The following PCDHGB5 variants were observed in gnomAD, a reference collection of about 807,000 sequenced individuals.
The protein encoded by PCDHGB5 is protocadherin gamma subfamily B, 5.
In PCDHGB5, 48 loss-of-function variants were observed where a neutral mutation model predicts 62.9. The observed-to-expected ratio is 0.76, with a 90% CI of 0.61 to 0.97. The LOEUF (loss-of-function observed/expected upper bound fraction) is 0.97. Ranked by LOEUF, PCDHGB5 falls within the 50% of genes least tolerant of loss-of-function variation. The pLI, the probability that PCDHGB5 is intolerant of heterozygous loss-of-function variation, is 0.00. For missense variants in PCDHGB5, 1,118 were observed against 1,198.6 expected (o/e 0.93, Z 0.99); for synonymous variants, 474 against 511.2 (o/e 0.93, Z 0.98).
chr5:141,447,299 C>A (rs543731556), intron 1 of PCDHGB5, among the ~76,000 whole-genome samples: 38 of 152,102 alleles, frequency 2.5e-4, no homozygotes, highest in Middle Eastern at 6.8e-3. Context: ...GCCACCACAC[C>A]CGGCTAATTT....
At chr5:141,421,211 T>A (rs866635411) in intron 1 of PCDHGB5, 8 of 1,541,100 alleles carry the variant, frequency 5.2e-6, no homozygotes. Flanking sequence ...CCGCGGAATA[T>A]CGGCTTAGAG....
At chr5:141,452,256 C>T (rs533770410) in intron 1 of PCDHGB5, among the ~76,000 whole-genome samples, 1 of 152,298 alleles carries the variant, frequency 6.6e-6, no homozygotes, top group African/African-American at 2.4e-5. Flanking sequence ...CCATAACTCT[C>T]TCATTTTCTT....
chr5:141,506,180 G>T (rs548366782), intron 3 of PCDHGB5, among the ~76,000 whole-genome samples: 44 of 152,294 alleles, frequency 2.9e-4, no homozygotes, highest in Non-Finnish European at 5.7e-4. Context: ...GCTGGGCGTG[G>T]TGGCTCACGC....
At chr5:141,450,006 C>CTATTTTTTTTTTTT (rs70988802) in intron 1 of PCDHGB5, among the ~76,000 whole-genome samples, 1 of 132,966 alleles carries the variant, frequency 7.5e-6, no homozygotes, top group Non-Finnish European at 1.6e-5. Flanking sequence ...TGCCATGTCT[C>CTATTTTTTTTTTTT]TTTTTTTTTT....
In PCDHGB5 at chr5:141,491,463, C is replaced by CT. The variant is rs765984397; in HGVS notation, c.2398-3343dup. The CT allele has an allele frequency of 6.2e-7, 1 of 1,614,112 alleles. No homozygotes were observed. Among genetic ancestry groups the CT allele is most frequent in the Non-Finnish European group, 8.5e-7 (1 of 1,180,010 alleles). ...GCCAGGACTCACCCTCCCCGGACTT[C>CT]TATAAGCAGTCCAGCCCCAACCTGC... On this transcript the variant is annotated intron_variant, in intron 1 of 3. Coordinates refer to ENST00000617380, the MANE Select transcript of PCDHGB5 (RefSeq NM_018925.3). This position sits in a 1 kb window ranked among gnomAD's most constrained non-coding sequence, Gnocchi z 6.9.
intron 1 of PCDHGB5, among the ~76,000 whole-genome samples, chr5:141,437,064 G>T (rs1380953110): frequency 6.6e-6 from 1 of 152,170 alleles, no homozygotes; most frequent in Non-Finnish European, 1.5e-5. Flanking sequence ...ATCATTATTT[G>T]GTTTGGGCCA....
At chr5:141,450,364 T>G (rs2098678485) in intron 1 of PCDHGB5, among the ~76,000 whole-genome samples, 1 of 152,188 alleles carries the variant, frequency 6.6e-6, no homozygotes, top group Admixed American at 6.5e-5. Flanking sequence ...TCCTCAGCCT[T>G]GTTTGTTTAT....
chr5:141,398,584 A>T lies in PCDHGB5; in HGVS notation c.457A>T (p.Ile153Leu), dbSNP rs201021035. The change falls in exon 1 of 4, where the codon ATA becomes TTA. Residue 153 changes from isoleucine to leucine, a missense_variant. By Grantham distance (5) the Ile-to-Leu change is conservative. Around this residue, in one of 2 missense-constraint regions of PCDHGB5, gnomAD observed 1,034 missense variants for 1,029.1 expected, o/e 1.00. Transcript: ENST00000617380. Reference sequence around the variant, plus strand: ...GTCTGCACAGCCTGGCACAAGATTTATACTAGAAGTAGCAGAAGATGCAGA... The same window carrying T: ...GTCTGCACAGCCTGGCACAAGATTTTTACTAGAAGTAGCAGAAGATGCAGA... ...SESAQPGTRF[I>L]LEVAEDADIG... is the part of the protein sequence containing the mutation. 1.9e-6 allele frequency: 3 copies of T among 1,614,066 alleles called. No homozygotes were observed. In the South Asian group the frequency reaches 3.3e-5, roughly 18 times the overall value.
In PCDHGB5 at chr5:141,445,037, GT is replaced by G. The variant is rs2098454887; in HGVS notation, c.2397+44517del. 5.3e-5 allele frequency among the ~76,000 whole-genome samples: 8 copies of G among 152,072 alleles called. No homozygotes were observed. In the South Asian group the frequency reaches 1.7e-3, roughly 32 times the overall value. On this transcript the variant is annotated intron_variant, in intron 1 of 3. Transcript: ENST00000617380. ...TAATTTCTCTCAGCTATGTTGTATAGTTTTCAGTGTAGAGAGGTCATGTATA... is the reference window on the plus strand; with the variant it reads ...TAATTTCTCTCAGCTATGTTGTATAGTTTCAGTGTAGAGAGGTCATGTATA...
intron 1 of PCDHGB5, chr5:141,410,860 T>TTTTTTTTTTTTTTTTTTG: frequency 2.3e-6 from 1 of 442,030 alleles, no homozygotes; most frequent in Non-Finnish European, 3.7e-6. Flanking sequence ...TTTTTTTTTT[T>TTTTTTTTTTTTTTTTTTG]TTTTTTTTTT....
chr5:141,497,702 G>A (rs904199928), intron 2 of PCDHGB5, among the ~76,000 whole-genome samples: 16 of 152,054 alleles, frequency 1.1e-4, no homozygotes, highest in African/African-American at 3.9e-4. Context: ...ACCACACCCA[G>A]CTCATTTTTG....
At position 141,491,566 on chromosome 5, in the gene PCDHGB5, A is replaced by G; in HGVS notation, c.2398-3241A>G. Reference sequence around the variant, plus strand: ...AGACTCGCAGAGCCACTGCTACAGGACGTGCTTTTCACCGGCCTCGGACGG... The same window carrying G: ...AGACTCGCAGAGCCACTGCTACAGGGCGTGCTTTTCACCGGCCTCGGACGG... On this transcript the variant is annotated intron_variant, in intron 1 of 3. Transcript: ENST00000617380. This position sits in a 1 kb window ranked among gnomAD's most constrained non-coding sequence, Gnocchi z 6.9. 1 of 1,613,950 alleles carries G rather than the reference A, an allele frequency of 6.2e-7. No individual in the cohort carries two copies.
In PCDHGB5 at chr5:141,476,288, C is replaced by A. The variant is rs1446743849; in HGVS notation, c.2398-18519C>A. 3.1e-6 allele frequency: 5 copies of A among 1,613,980 alleles called. No homozygotes were observed. The highest frequency in any genetic ancestry group is 3.4e-6 in the Non-Finnish European group (4 of 1,180,026). ...CGTGGTCGCGAACCTTGGTTTGGAT[C>A]TCGGTAGCCTCTCAGCCCGCAGGTT... On this transcript the variant is annotated intron_variant, in intron 1 of 3. Coordinates refer to ENST00000617380, the MANE Select transcript of PCDHGB5 (RefSeq NM_018925.3). This position sits in a 1 kb window ranked among gnomAD's most constrained non-coding sequence, Gnocchi z 7.6.
chr5:141,436,902 G>A (rs2097852984), intron 1 of PCDHGB5, among the ~76,000 whole-genome samples: 1 of 152,210 alleles, frequency 6.6e-6, no homozygotes, highest in Admixed American at 6.5e-5. Flanking sequence ...TTTTATATGA[G>A]ACAATTTTGT....
intron 1 of PCDHGB5, chr5:141,415,889 T>C: frequency 2.1e-6 from 2 of 942,152 alleles, no homozygotes; most frequent in Non-Finnish European, 2.9e-6. Context: ...TATTGACAAT[T>C]CCTAAGACAG....
chr5:141,485,566 C>G lies in PCDHGB5; in HGVS notation c.2398-9241C>G, dbSNP rs768144422. On this transcript the variant is annotated intron_variant, in intron 1 of 3. Transcript: ENST00000617380. This position sits in a 1 kb window ranked among gnomAD's most constrained non-coding sequence, Gnocchi z 5.7. ...TCGTAGATGTGAATGATCACGCCCC[C>G]CGTTTTCCGCGGCAGCAGCTGGACT... 2.5e-6 allele frequency: 4 copies of G among 1,612,808 alleles called. No homozygotes were observed. Among genetic ancestry groups the G allele is most frequent in the South Asian group, 2.2e-5 (2 of 91,028 alleles).
chr5:141,511,048 C>G lies in PCDHGB5; in HGVS notation c.2647C>G (p.Arg883Gly). The G allele has an allele frequency of 6.2e-7, 1 of 1,614,224 alleles. No homozygotes were observed. Among genetic ancestry groups the G allele is most frequent in the Non-Finnish European group, 8.5e-7 (1 of 1,180,028 alleles). ...QFTLQHVPDYRQNVYIPGSNA... is the reference protein window; with the variant it reads ...QFTLQHVPDYGQNVYIPGSNA... ...CACCCTGCAGCACGTGCCCGACTAC[C>G]GCCAGAATGTCTACATCCCAGGCAG... Residue 883 changes from arginine (R) to glycine (G), a missense_variant, in exon 4 of 4, where the codon CGC becomes GGC. Arg to Gly is a moderately radical substitution (Grantham distance 125, BLOSUM62 -2). Transcript: ENST00000617380.
In PCDHGB5 at chr5:141,422,240, T is replaced by C. The variant is rs1472994337; in HGVS notation, c.2397+21716T>C. ...ACCACCACGACGATGTTGATCACTG[T>C]TGTGGATGTGAATGATAACGCTCCA... On this transcript the variant is annotated intron_variant, in intron 1 of 3. Coordinates refer to ENST00000617380, the MANE Select transcript of PCDHGB5 (RefSeq NM_018925.3). 1.3e-6 allele frequency: 2 copies of C among 1,566,716 alleles called. No individual in the cohort carries two copies. The highest frequency in any genetic ancestry group is 1.2e-5 in the South Asian group (1 of 81,384).
At chr5:141,402,514 AAT>A (rs1200847622) in intron 1 of PCDHGB5, among the ~76,000 whole-genome samples, 1 of 152,218 alleles carries the variant, frequency 6.6e-6, no homozygotes, top group East Asian at 1.9e-4. Flanking sequence ...AATATTAAGC[AAT>A]GGTTTGTGAT....
Sources: allele counts gnomAD v4.1 joint callset (sites outside exome capture counted in the v4.1 genomes callset), GRCh38; gene constraint gnomAD v4.1.1; regional missense constraint gnomAD v4.1.1; non-coding constraint Gnocchi (gnomAD v3.1); transcripts MANE v1.5; gene names NCBI Gene and HGNC (gene_info 2026-07-23, HGNC 2026-07-21).